Variants in POLQ observed in about 807,000 individuals in gnomAD.
The protein encoded by POLQ is DNA polymerase theta, also known as epididymis secretory sperm binding protein.
Under a neutral mutation model 259.2 loss-of-function variants are expected in POLQ, and 233 were observed. That is an observed-to-expected ratio of 0.90 (90% CI 0.81 to 1.00). POLQ has a LOEUF of 1.00. Ranked by LOEUF, POLQ falls within the 50% of genes least tolerant of loss-of-function variation. The probability of loss-of-function intolerance (pLI) is 0.00; values close to 1 mark genes in which losing one functional copy is unlikely to be tolerated. For missense variants in POLQ, 2,871 were observed against 3,051.6 expected (o/e 0.94, Z 1.39); for synonymous variants, 1,025 against 1,048.8 (o/e 0.98, Z 0.44).
intron 25 of POLQ, among the ~76,000 whole-genome samples, chr3:121,449,861 T>C (rs571123076): frequency 6.6e-6 from 1 of 152,198 alleles, no homozygotes; most frequent in South Asian, 2.1e-4. Context: ...GCTTTGTGAC[T>C]TTATGACGAA....
At position 121,492,048 on chromosome 3, in the gene POLQ, G is replaced by C. The variant is rs188270680; in HGVS notation, c.2522+1430C>G. On this transcript the variant is annotated intron_variant, in intron 15 of 29. Coordinates refer to ENST00000264233, the MANE Select transcript of POLQ (RefSeq NM_199420.4). ...CCCCCCTACCCCCACCTCCACCCCC[G>C]GTCTGTGGAAAAATTGTCTTCCATG... Among the ~76,000 whole-genome samples, 150 of 109,364 alleles carry C rather than the reference G, an allele frequency of 1.4e-3. No homozygotes were observed. In the East Asian group the frequency reaches 0.029, roughly 21 times the overall value. 71.7% of individuals were successfully genotyped at this position (109,364 alleles called of 152,430 possible).
chr3:121,510,303 C>A (rs1053687264), intron 10 of POLQ, 60 bp from the exon 11 acceptor site: 13 of 1,270,764 alleles, frequency 1.0e-5, no homozygotes, highest in Admixed American at 1.8e-5. Flanking sequence ...AGCCACCGGG[C>A]GCGGTGGCTC....
rs2048049853 is a variant in POLQ, at chr3:121,489,775, C to T, written c.3156G>A (p.Arg1052=). The T allele has an allele frequency of 1.9e-6, 3 of 1,612,638 alleles. No individual in the cohort carries two copies. In the East Asian group the frequency reaches 6.7e-5, roughly 36 times the overall value. The change falls in exon 16 of 30, where the codon AGG becomes AGA. Residue 1052 remains arginine (R), a synonymous_variant. Coordinates refer to ENST00000264233, the MANE Select transcript of POLQ (RefSeq NM_199420.4). ...CAGAGTCTTTCAGGGGGCTGCTGTC[C>T]CTAGATCGCTTTAGATGCTTTCTAC... The part of the protein sequence containing the change: ...WKRRKHLKRS[R]DSSPLKDSGA...
chr3:121,530,963 C>T (rs1035667336), intron 6 of POLQ, among the ~76,000 whole-genome samples: 3 of 152,094 alleles, frequency 2.0e-5, no homozygotes, highest in Non-Finnish European at 4.4e-5. Context: ...CTTTGGGAGG[C>T]CGAGGCCTGA....
intron 14 of POLQ, chr3:121,494,143 G>A (rs2048095058): frequency 1.2e-6 from 1 of 825,392 alleles, no homozygotes; most frequent in East Asian, 2.6e-5. Context: ...GGGAACGAAG[G>A]TGGCTCCGGC....
chr3:121,519,036 T>C (rs2048318169), intron 9 of POLQ, among the ~76,000 whole-genome samples: 2 of 151,988 alleles, frequency 1.3e-5, no homozygotes, highest in Non-Finnish European at 2.9e-5. Flanking sequence ...AACTTGCTGA[T>C]ACAAGGTAAA....
rs141214608 is a variant in POLQ at position 121,490,396 on chromosome 3, T to C, written c.2535A>G (p.Ala845=). The change falls in exon 16 of 30, where the codon GCA becomes GCG. Residue 845 remains alanine (A), a synonymous_variant. Coordinates refer to ENST00000264233, the MANE Select transcript of POLQ (RefSeq NM_199420.4). ...CAACTGCTTCCTCTTCCTCATCCAC[T>C]GCCTTCCGGGCACTACACAAGGAGA... ...NAVPFKSARK[A]VDEEEEAVEE... 57 of 1,613,812 alleles carry C rather than the reference T, an allele frequency of 3.5e-5. No homozygotes were observed. The highest frequency in any genetic ancestry group is 6.7e-5 in the African/African-American group (5 of 74,920).
In POLQ at chr3:121,519,898, C is replaced by A; in HGVS notation, c.1441G>T (p.Ala481Ser). 7 of 1,601,738 alleles carry A rather than the reference C, an allele frequency of 4.4e-6. No homozygotes were observed. The highest frequency in any genetic ancestry group is 6.0e-6 in the Non-Finnish European group (7 of 1,168,838). Residue 481 changes from alanine to serine, a missense_variant, in exon 9 of 30, where the codon GCT becomes TCT. Around this residue, in one of 3 missense-constraint regions of POLQ, gnomAD observed 783 missense variants for 906.2 expected, o/e 0.86. Transcript: ENST00000264233. ...ILTYKQMVGR[A>S]GRKGVDTVGE... ...ACTGTGTCCACTCCTTTCCTGCCAG[C>A]ACGGCCAACCATCTGCTTATAAGTA...
chr3:121,488,130 G>A lies in POLQ; in HGVS notation c.4801C>T (p.His1601Tyr), dbSNP rs778221452. 9.3e-6 allele frequency: 15 copies of A among 1,612,688 alleles called. No homozygotes were observed. Among genetic ancestry groups the A allele is most frequent in the Admixed American group, 6.7e-5 (4 of 59,906 alleles). The change falls in exon 16 of 30, where the codon CAC becomes TAC. Residue 1601 changes from histidine (H) to tyrosine (Y), a missense_variant. By Grantham distance (83) the His-to-Tyr change is moderately conservative. Around this residue, in one of 3 missense-constraint regions of POLQ, gnomAD observed 2,080 missense variants for 2,126.0 expected, o/e 0.98. Coordinates refer to ENST00000264233, the MANE Select transcript of POLQ (RefSeq NM_199420.4). ...LELSDPVLDEHHQGDQDGGDQ... is the reference protein window; with the variant it reads ...LELSDPVLDEYHQGDQDGGDQ... ...CCTCCATCTTGATCACCTTGGTGGT[G>A]CTCATCAAGTACTGGATCACTTAGT...
chr3:121,537,724 AG>A (rs2048460671), intron 4 of POLQ, among the ~76,000 whole-genome samples: 1 of 152,242 alleles, frequency 6.6e-6, no homozygotes, highest in Non-Finnish European at 1.5e-5. Context: ...CTCCAGAAGT[AG>A]ATAATAGACA....
In POLQ at chr3:121,487,951, T is replaced by A. The variant is rs1217410147; in HGVS notation, c.4980A>T (p.Ser1660=). Reference sequence around the variant, plus strand: ...TCAAACTGGAAAAGTTTATAGTCATTGATTTTAGCTTTTCATTTTCTAGAG... The same window carrying A: ...TCAAACTGGAAAAGTTTATAGTCATAGATTTTAGCTTTTCATTTTCTAGAG... The part of the protein sequence containing the change: ...SSPLENEKLK[S]MTINFSSLNR... The change falls in exon 16 of 30, where the codon TCA becomes TCT. Residue 1660 remains serine (S), a synonymous_variant. Coordinates refer to ENST00000264233, the MANE Select transcript of POLQ (RefSeq NM_199420.4). 1.2e-6 allele frequency: 2 copies of A among 1,603,776 alleles called. No individual in the cohort carries two copies. Among genetic ancestry groups the A allele is most frequent in the African/African-American group, 2.7e-5 (2 of 74,122 alleles).
rs1288860578 is a variant in POLQ at position 121,520,085 on chromosome 3, T to A, written c.1256-2A>T. The stretch of plus-strand genomic sequence containing the variant: ...TATCCCTCTCCTCAAAAGTAAGACC[T>A]AAAAAAAGGAGGTTTTTATATATTT... On this transcript the variant is annotated splice_acceptor_variant, in intron 8 of 29. Coordinates refer to ENST00000264233, the MANE Select transcript of POLQ (RefSeq NM_199420.4). LOFTEE classifies it high-confidence loss of function. The A allele has an allele frequency of 6.3e-7, 1 of 1,579,718 alleles. No individual in the cohort carries two copies. Among genetic ancestry groups the A allele is most frequent in the Non-Finnish European group, 8.7e-7 (1 of 1,152,516 alleles).
intron 26 of POLQ, 134 bp downstream of exon 26, chr3:121,449,181 T>C: frequency 1.8e-6 from 1 of 552,502 alleles, no homozygotes; most frequent in Admixed American, 3.1e-5. Context: ...AAGGTTAATC[T>C]TATTTACCCT....
At position 121,494,100 on chromosome 3, in the gene POLQ, G is replaced by A. The variant is rs541095154; in HGVS notation, c.2279-379C>T. The A allele has an allele frequency of 3.0e-4, 214 of 704,130 alleles. 4 individuals are homozygous for A. The highest frequency in any genetic ancestry group is 2.6e-3 in the South Asian group (170 of 66,556). The allele number at this position is 704,130 out of a possible 1,614,324, so 43.6% of individuals were successfully genotyped here. On this transcript the variant is annotated intron_variant, in intron 14 of 29. Coordinates refer to ENST00000264233, the MANE Select transcript of POLQ (RefSeq NM_199420.4). Reference sequence around the variant, plus strand: ...AACATGTAAAGGTCTCTCTCTTCCCGCCACCCAAGATGCCGAAAGGAAAGA... The same window carrying A: ...AACATGTAAAGGTCTCTCTCTTCCCACCACCCAAGATGCCGAAAGGAAAGA...
chr3:121,516,507 T>A (rs2108810914), intron 9 of POLQ, among the ~76,000 whole-genome samples: 1 of 152,242 alleles, frequency 6.6e-6, no homozygotes, highest in East Asian at 1.9e-4. Context: ...CAAATGAACA[T>A]CAGTATATAT....
chr3:121,517,800 G>A (rs1267748783), intron 9 of POLQ, among the ~76,000 whole-genome samples: 2 of 152,072 alleles, frequency 1.3e-5, no homozygotes, highest in South Asian at 2.1e-4. Context: ...CTAGGTCCCC[G>A]ACACACTACA....
intron 14 of POLQ, among the ~76,000 whole-genome samples, chr3:121,495,688 C>A (rs2048113307): frequency 6.7e-6 from 1 of 148,798 alleles, no homozygotes; most frequent in African/African-American, 2.5e-5. Flanking sequence ...ACTAAAAATA[C>A]AAAAAAAAAA....
chr3:121,518,309 G>T (rs1319295430), intron 9 of POLQ, among the ~76,000 whole-genome samples: 1 of 152,114 alleles, frequency 6.6e-6, no homozygotes, highest in Admixed American at 6.5e-5. Flanking sequence ...CTTTGCTTGG[G>T]GGTCATGTTA....
In POLQ at chr3:121,488,184, G is replaced by C; in HGVS notation, c.4747C>G (p.His1583Asp). ...AATGCTCTAGGAGATACTACAGTAT[G>C]ATTCTTCTCTTGGACAGGAAATATA... is the stretch of plus-strand genomic sequence containing the variant. The part of the protein sequence containing the change: ...VDIFPVQEKN[H>D]TVVSPRALEL... Residue 1583 changes from histidine (H) to aspartate (D), a missense_variant, in exon 16 of 30, where the codon CAT becomes GAT. By Grantham distance (81) the His-to-Asp change is moderately conservative. Transcript: ENST00000264233. 1 of 1,613,448 alleles carries C rather than the reference G, an allele frequency of 6.2e-7. No homozygotes were observed. Among genetic ancestry groups the C allele is most frequent in the Non-Finnish European group, 8.5e-7 (1 of 1,179,760 alleles).
Sources: allele counts gnomAD v4.1 joint callset (sites outside exome capture counted in the v4.1 genomes callset), GRCh38; gene constraint gnomAD v4.1.1; regional missense constraint gnomAD v4.1.1; transcripts MANE v1.5; gene names NCBI Gene and HGNC (gene_info 2026-07-23, HGNC 2026-07-21).